KCNMA1: variants seen among roughly 807,000 people sequenced by gnomAD.
KCNMA1 encodes the protein Calcium-activated potassium channel subunit alpha-1.
In KCNMA1, 29 loss-of-function variants were observed where a neutral mutation model predicts 140.0. That is an observed-to-expected ratio of 0.21 (90% confidence interval 0.15 to 0.28). The LOEUF (loss-of-function observed/expected upper bound fraction) is 0.28, where lower values mean the gene tolerates loss of function less well. Among genes scored for constraint, KCNMA1 ranks in the 10% least tolerant of loss-of-function variants. The pLI, the probability that KCNMA1 is intolerant of heterozygous loss-of-function variation, is 1.00. For synonymous variants in KCNMA1, 612 were observed against 611.9 expected, an observed-to-expected ratio of 1.00 and a Z score of 0.00; for missense variants, 880 against 1,602.2, an observed-to-expected ratio of 0.55 and a Z score of 7.70.
chr10:77,236,270 A>G (rs565223248), intron 3 of KCNMA1, among the ~76,000 whole-genome samples: 1 of 152,180 alleles, frequency 6.6e-6, no homozygotes, highest in Non-Finnish European at 1.5e-5. Flanking sequence ...TCTTTCCCAG[A>G]CTCTGGCCTA....
At chr10:76,935,505 A>G (rs1276998404) in intron 23 of KCNMA1, among the ~76,000 whole-genome samples, 1 of 152,206 alleles carries the variant, frequency 6.6e-6, no homozygotes, top group Non-Finnish European at 1.5e-5. Context: ...AATTCCCCTG[A>G]ATCTCTGCTT....
At chr10:77,011,931 A>C (rs777528909) in intron 18 of KCNMA1, 36 bp downstream of exon 18, 1 of 1,566,788 alleles carries the variant, frequency 6.4e-7, no homozygotes, top group South Asian at 1.1e-5. Context: ...AATAGGAATG[A>C]GAAAGGGAGG....
chr10:77,463,437 T>C (rs1189496346), intron 1 of KCNMA1, among the ~76,000 whole-genome samples: 1 of 149,014 alleles, frequency 6.7e-6, no homozygotes, highest in Admixed American at 6.7e-5. Context: ...GACTCTGACC[T>C]CACAGGAGGT....
At chr10:76,963,475 C>T (rs896723077) in intron 20 of KCNMA1, among the ~76,000 whole-genome samples, 4 of 152,170 alleles carry the variant, frequency 2.6e-5, no homozygotes, top group African/African-American at 7.2e-5. Context: ...GTAAATCCTA[C>T]CCAAGTTAGC....
chr10:77,141,387 G>C (rs1049014520), intron 5 of KCNMA1, among the ~76,000 whole-genome samples: 1 of 152,174 alleles, frequency 6.6e-6, no homozygotes, highest in Admixed American at 6.5e-5. Context: ...TTTAGGGAGT[G>C]ATTAGGTTTA....
At chr10:76,930,957 A>G (rs999366293) in intron 23 of KCNMA1, among the ~76,000 whole-genome samples, 7 of 152,194 alleles carry the variant, frequency 4.6e-5, no homozygotes, top group Non-Finnish European at 2.9e-5. Context: ...AGAAGCAGAA[A>G]GTAGAACAGT....
At chr10:77,115,417 G>A (rs1012889159) in intron 6 of KCNMA1, among the ~76,000 whole-genome samples, 2 of 152,204 alleles carry the variant, frequency 1.3e-5, no homozygotes, top group Non-Finnish European at 2.9e-5. Context: ...CCTCTAAGGT[G>A]TGCTCCCACA....
At chr10:77,166,338 T>A (rs1030416958) in intron 5 of KCNMA1, among the ~76,000 whole-genome samples, 6 of 152,174 alleles carry the variant, frequency 3.9e-5, no homozygotes, top group African/African-American at 1.4e-4. Context: ...AATTTTTGTT[T>A]ATCTGATGCA....
intron 3 of KCNMA1, chr10:77,250,973 C>T: frequency 5.2e-6 from 3 of 571,836 alleles, no homozygotes; most frequent in South Asian, 4.1e-5. Context: ...GACTTGACCT[C>T]ATATACCTCA....
chr10:77,127,665 G>A (rs1161985602), intron 5 of KCNMA1, among the ~76,000 whole-genome samples: 1 of 152,066 alleles, frequency 6.6e-6, no homozygotes, highest in African/African-American at 2.4e-5. Context: ...GAAAGGGAGA[G>A]AACGAGGGTA....
chr10:77,286,176 A>G (rs960782647), intron 2 of KCNMA1, among the ~76,000 whole-genome samples: 7 of 152,088 alleles, frequency 4.6e-5, no homozygotes, highest in Non-Finnish European at 7.4e-5. Flanking sequence ...ACTTTATTTC[A>G]CTACCACAAA....
At chr10:76,878,741 G>A (rs1042016004) in intron 29 of KCNMA1, among the ~76,000 whole-genome samples, 1 of 152,110 alleles carries the variant, frequency 6.6e-6, no homozygotes, top group Non-Finnish European at 1.5e-5. Flanking sequence ...GGGGGCTGGG[G>A]TGAGAATGAA....
At chr10:77,529,215 T>C (rs529875979) in intron 1 of KCNMA1, among the ~76,000 whole-genome samples, 1 of 149,100 alleles carries the variant, frequency 6.7e-6, no homozygotes, top group Non-Finnish European at 1.5e-5. Flanking sequence ...GTTCCCCCAC[T>C]GTGTTCCTGC....
chr10:77,365,587 T>C (rs2094296758), intron 2 of KCNMA1, among the ~76,000 whole-genome samples: 1 of 152,258 alleles, frequency 6.6e-6, no homozygotes, highest in South Asian at 2.1e-4. Context: ...ATTCACCTTC[T>C]GTCCCTTCAC....
intron 1 of KCNMA1, among the ~76,000 whole-genome samples, chr10:77,588,190 C>T (rs567735197): frequency 5.9e-5 from 9 of 152,216 alleles, no homozygotes; most frequent in African/African-American, 1.4e-4. Flanking sequence ...TCCTGTTGGC[C>T]GAGGTCAAAG....
intron 1 of KCNMA1, among the ~76,000 whole-genome samples, chr10:77,468,544 G>A (rs887155145): frequency 1.3e-5 from 2 of 152,132 alleles, no homozygotes; most frequent in Non-Finnish European, 2.9e-5. Flanking sequence ...TATACAGGAG[G>A]GAGATGATAC....
intron 1 of KCNMA1, among the ~76,000 whole-genome samples, chr10:77,448,811 C>A (rs1001676654): frequency 6.6e-6 from 1 of 151,960 alleles, no homozygotes; most frequent in South Asian, 2.1e-4. Flanking sequence ...ACTAACAGGC[C>A]GGGTGCAGTG....
At chr10:77,591,751 G>A (rs1336915858) in intron 1 of KCNMA1, among the ~76,000 whole-genome samples, 2 of 152,154 alleles carry the variant, frequency 1.3e-5, no homozygotes, top group Non-Finnish European at 2.9e-5. Context: ...GATCGCACAT[G>A]CCCATCAATC....
intron 1 of KCNMA1, among the ~76,000 whole-genome samples, chr10:77,523,764 A>C (rs2054464377): frequency 1.3e-5 from 2 of 152,184 alleles, no homozygotes; most frequent in African/African-American, 4.8e-5. Flanking sequence ...TAAAAAATCA[A>C]ATTAGAGTAG....
Sources: gnomAD v4.1 joint callset for allele counts (sites outside exome capture counted in the v4.1 genomes callset) on GRCh38, gnomAD v4.1.1 for gene constraint, MANE v1.5 for transcripts, NCBI Gene and HGNC (gene_info 2026-07-23, HGNC 2026-07-21) for gene names.